Variants in KIF16B observed in about 807,000 individuals in gnomAD.
The protein encoded by KIF16B is kinesin family member 16B.
A neutral mutation model predicts 156.3 loss-of-function variants in KIF16B; 98 were observed. That is an observed-to-expected ratio of 0.63 (90% confidence interval 0.53 to 0.74). The LOEUF (loss-of-function observed/expected upper bound fraction) is 0.74. Among genes scored for constraint, KIF16B ranks in the 30% least tolerant of loss-of-function variants. The probability of loss-of-function intolerance (pLI) is 0.00; values close to 1 mark genes in which losing one functional copy is unlikely to be tolerated. For missense variants in KIF16B, 1,421 were observed against 1,606.5 expected (o/e 0.88, Z 1.97); for synonymous variants, 564 against 583.7 (o/e 0.97, Z 0.49).
At chr20:16,567,684 C>T (rs112318806) in intron 1 of KIF16B, among the ~76,000 whole-genome samples, 3 of 152,336 alleles carry the variant, frequency 2.0e-5, no homozygotes, top group African/African-American at 7.2e-5. Flanking sequence ...GGGCTGGCAG[C>T]TCACGCCTGT....
At chr20:16,519,923 G>A (rs1431667537) in intron 3 of KIF16B, among the ~76,000 whole-genome samples, 2 of 152,166 alleles carry the variant, frequency 1.3e-5, no homozygotes, top group Non-Finnish European at 2.9e-5. Context: ...AAGGGGTCAG[G>A]GAACTCCCTC....
At chr20:16,458,286 A>C (rs1289347019) in intron 12 of KIF16B, among the ~76,000 whole-genome samples, 3 of 152,220 alleles carry the variant, frequency 2.0e-5, no homozygotes, top group African/African-American at 7.2e-5. Flanking sequence ...TAAAGAGAAA[A>C]TGTTAAATTA....
At chr20:16,478,263 C>T (rs1293223390) in intron 12 of KIF16B, among the ~76,000 whole-genome samples, 1 of 152,050 alleles carries the variant, frequency 6.6e-6, no homozygotes, top group Admixed American at 6.6e-5. Flanking sequence ...TAACGTGATA[C>T]AACTAGATAC....
At chr20:16,283,662 A>G (rs1244583322) in intron 25 of KIF16B, among the ~76,000 whole-genome samples, 1 of 152,206 alleles carries the variant, frequency 6.6e-6, no homozygotes, top group African/African-American at 2.4e-5. Flanking sequence ...CAGCTGCACA[A>G]CAAATTACCA....
At chr20:16,392,607 C>T (rs1472860603) in intron 17 of KIF16B, among the ~76,000 whole-genome samples, 1 of 152,258 alleles carries the variant, frequency 6.6e-6, no homozygotes, top group East Asian at 1.9e-4. Context: ...ATGTGAAAGA[C>T]AACATGCCGA....
At chr20:16,335,577 AATTTT>A (rs1197930856) in intron 24 of KIF16B, among the ~76,000 whole-genome samples, 6 of 152,244 alleles carry the variant, frequency 3.9e-5, no homozygotes, top group African/African-American at 1.4e-4. Flanking sequence ...AAGTTATTTT[AATTTT>A]AATAGGTCTC....
chr20:16,345,123 A>T (rs181672808), intron 23 of KIF16B, among the ~76,000 whole-genome samples: 2 of 152,284 alleles, frequency 1.3e-5, no homozygotes, highest in Non-Finnish European at 2.9e-5. Context: ...ATCGGTCTCA[A>T]GCAAGCAAAA....
At chr20:16,433,132 A>G (rs1352947788) in intron 12 of KIF16B, among the ~76,000 whole-genome samples, 1 of 152,158 alleles carries the variant, frequency 6.6e-6, no homozygotes, top group Non-Finnish European at 1.5e-5. Context: ...TTAAAGACAT[A>G]TATTACAGGG....
Position 16,378,898 on chromosome 20 carries a change from TTC to T in KIF16B, c.3102_3103del (p.Lys1035ThrfsTer17), listed in dbSNP as rs1307777734. ...GCTGCCACTGTTCAGACTGGCAAGT[TTC>T]TGCCTCTGCTCTTCAATCTCCATGC... is the stretch of plus-strand genomic sequence containing the variant. On this transcript the variant is annotated frameshift_variant, in exon 19 of 26. Coordinates refer to ENST00000354981, the MANE Select transcript of KIF16B (RefSeq NM_024704.5). LOFTEE classifies it high-confidence loss of function. 1 of 1,614,058 alleles carries T rather than the reference TTC, an allele frequency of 6.2e-7. No individual in the cohort carries two copies. The highest frequency in any genetic ancestry group is 2.2e-5 in the East Asian group (1 of 44,860).
At chr20:16,497,072 G>C (rs901736899) in intron 11 of KIF16B, among the ~76,000 whole-genome samples, 2 of 151,748 alleles carry the variant, frequency 1.3e-5, no homozygotes, top group African/African-American at 4.8e-5. Context: ...CAAAGGCATG[G>C]GCACACACAT....
chr20:16,324,884 T>C (rs1157200481), intron 24 of KIF16B, among the ~76,000 whole-genome samples: 10 of 152,056 alleles, frequency 6.6e-5, no homozygotes, highest in East Asian at 1.9e-4. Context: ...CTGATGAACA[T>C]AGATGCAAAA....
chr20:16,387,323 C>T (rs1290726401), intron 17 of KIF16B, among the ~76,000 whole-genome samples: 2 of 152,030 alleles, frequency 1.3e-5, no homozygotes, highest in African/African-American at 2.4e-5. Flanking sequence ...GTGGTTTTCT[C>T]GGTTGCACTG....
intron 12 of KIF16B, among the ~76,000 whole-genome samples, chr20:16,442,945 G>A (rs1382106792): frequency 6.6e-6 from 1 of 152,206 alleles, no homozygotes; most frequent in Non-Finnish European, 1.5e-5. Flanking sequence ...GCACGCTGGT[G>A]AGTAGGTAAA....
intron 10 of KIF16B, among the ~76,000 whole-genome samples, chr20:16,503,127 C>T (rs2068673315): frequency 6.6e-6 from 1 of 152,194 alleles, no homozygotes; most frequent in South Asian, 2.1e-4. Context: ...ATGAGAATTA[C>T]TTGAACCCTG....
Position 16,371,870 on chromosome 20 carries a change from T to C in KIF16B, c.3351-109A>G, listed in dbSNP as rs1354921577. On this transcript the variant is annotated intron_variant, in intron 20 of 25. Transcript: ENST00000354981. ...CAACAGGGAGCAATCTCCTTCTAAA[T>C]ACCAAACCTAACAACAACTTGAGAA... 9 of 687,840 alleles carry C rather than the reference T, an allele frequency of 1.3e-5. No homozygotes were observed. In the East Asian group the frequency reaches 1.8e-4, roughly 14 times the overall value. The allele number at this position is 687,840 out of a possible 1,614,324, so 42.6% of individuals were successfully genotyped here. A position where few individuals can be genotyped will look rare whatever the true frequency, so the allele number is the denominator to read the frequency against.
chr20:16,314,396 G>C (rs537302227), intron 24 of KIF16B, among the ~76,000 whole-genome samples: 1 of 152,292 alleles, frequency 6.6e-6, no homozygotes, highest in Non-Finnish European at 1.5e-5. Flanking sequence ...ATTCCCCCTA[G>C]TGTTCTTTCT....
chr20:16,275,992 A>G (rs6111004), intron 25 of KIF16B, among the ~76,000 whole-genome samples: 17,297 of 152,302 alleles, frequency 0.11, 1,073 homozygotes, highest in African/African-American at 0.14. Context: ...TGACTTGTGC[A>G]TGGAGCCACT....
intron 9 of KIF16B, 139 bp from the exon 10 acceptor site, chr20:16,504,686 G>T (rs970995794): frequency 3.2e-6 from 2 of 620,798 alleles, no homozygotes; most frequent in South Asian, 5.1e-5. Flanking sequence ...TAATGAATAT[G>T]AAAAATTATC....
chr20:16,425,231 A>G (rs2066322990), intron 15 of KIF16B, among the ~76,000 whole-genome samples: 1 of 152,182 alleles, frequency 6.6e-6, no homozygotes, highest in Admixed American at 6.5e-5. Flanking sequence ...TTTACAGAAC[A>G]GTGAGGACAG....
Sources: allele counts gnomAD v4.1 joint callset (sites outside exome capture counted in the v4.1 genomes callset), GRCh38; gene constraint gnomAD v4.1.1; transcripts MANE v1.5; gene names NCBI Gene and HGNC (gene_info 2026-07-23, HGNC 2026-07-21).